SLC37A1: variants seen among roughly 807,000 people sequenced by gnomAD.
SLC37A1 encodes solute carrier family 37 member 1, also known as glucose-6-phosphate exchanger SLC37A1.
In SLC37A1, 49 loss-of-function variants were observed where a neutral mutation model predicts 75.3. The observed-to-expected ratio is 0.65, with a 90% CI of 0.52 to 0.83. The LOEUF (loss-of-function observed/expected upper bound fraction) is 0.83, where lower values mean the gene tolerates loss of function less well. Ranked by LOEUF, SLC37A1 falls within the 40% of genes least tolerant of loss-of-function variation. The pLI, the probability that SLC37A1 is intolerant of heterozygous loss-of-function variation, is 0.00. For missense variants in SLC37A1, 566 were observed against 695.0 expected, an observed-to-expected ratio of 0.81 and a Z score of 2.09; for synonymous variants, 268 against 292.1, an observed-to-expected ratio of 0.92 and a Z score of 0.84.
chr21:42,574,914 T>C lies in SLC37A1; in HGVS notation c.1520T>C (p.Leu507Pro). ...ATGTTTGCAGATGCCTGTGCCTTAC[T>C]GGTAAGTCGGCCTATTTTTAGTCCA... Reference protein sequence around the residue: ...MLMFADACALLFLIRLIHKEL... With the variant: ...MLMFADACALPFLIRLIHKEL... Residue 507 changes from leucine to proline, a missense_variant and splice_region_variant, in exon 18 of 20, where the codon CTG (leucine) becomes CCG (proline). Transcript: ENST00000352133. 3.1e-6 allele frequency: 5 copies of C among 1,614,134 alleles called. No homozygotes were observed. Among genetic ancestry groups the C allele is most frequent in the Non-Finnish European group, 4.2e-6 (5 of 1,179,988 alleles).
rs1287750577 is a variant in SLC37A1 at position 42,551,922 on chromosome 21, G to A, written c.769-2140G>A. On this transcript the variant is annotated intron_variant, in intron 9 of 19. Coordinates refer to ENST00000352133, the MANE Select transcript of SLC37A1 (RefSeq NM_001320537.2). ...TTCTACCAAGTTTCCCACATTTGAG[G>A]CTTTGCTGACCTTGTACCTGGGGTG... is the stretch of plus-strand genomic sequence containing the variant. 2.0e-5 allele frequency among the ~76,000 whole-genome samples: 3 copies of A among 152,020 alleles called. No homozygotes were observed. The East Asian group carries it at 5.8e-4, about 29-fold the overall frequency.
chr21:42,559,977 A>C (rs1312637155), intron 11 of SLC37A1, among the ~76,000 whole-genome samples: 2 of 151,996 alleles, frequency 1.3e-5, no homozygotes, highest in African/African-American at 4.8e-5. Flanking sequence ...GGGAGGATGC[A>C]GGGACCAAGG....
chr21:42,575,572 A>C, intron 18 of SLC37A1: 1 of 985,334 alleles, frequency 1.0e-6, no homozygotes, highest in Non-Finnish European at 1.2e-6. Flanking sequence ...TGTCACAGTC[A>C]CATAGATGTG....
upstream of SLC37A1, among the ~76,000 whole-genome samples, chr21:42,509,899 C>T (rs185154498): frequency 6.6e-6 from 1 of 152,264 alleles, no homozygotes; most frequent in Admixed American, 6.5e-5. The surrounding 1 kb of genome is among the most constrained non-coding windows in gnomAD (Gnocchi z 4.2). Context: ...CTCTGAAGCC[C>T]AGTATCTTCA....
intron 17 of SLC37A1, among the ~76,000 whole-genome samples, chr21:42,572,615 G>C (rs1386736730): frequency 7.3e-6 from 1 of 136,350 alleles, no homozygotes; most frequent in African/African-American, 2.8e-5. Context: ...AGTGCATCCT[G>C]TTTTATTTCA....
chr21:42,520,616 G>A lies in SLC37A1; in HGVS notation c.56+2106G>A, dbSNP rs144113501. The stretch of plus-strand genomic sequence containing the variant: ...TTCTCGGGATAAACTGGTGATGGTC[G>A]ATATAGAAATAGAGAAGGGTGTGTG... On this transcript the variant is annotated intron_variant, in intron 2 of 19. Coordinates refer to ENST00000352133, the MANE Select transcript of SLC37A1 (RefSeq NM_001320537.2). Among the ~76,000 whole-genome samples, 832 of 152,170 alleles carry A rather than the reference G, an allele frequency of 5.5e-3. 6 individuals are homozygous for A. The highest frequency in any genetic ancestry group is 0.017 in the African/African-American group (713 of 41,510).
At chr21:42,563,933 T>G in intron 13 of SLC37A1, 56 bp downstream of exon 13, 1 of 1,584,092 alleles carries the variant, frequency 6.3e-7, no homozygotes, top group Non-Finnish European at 8.7e-7. Context: ...GCGCATGATC[T>G]CTGAGTTGAT....
chr21:42,552,249 CA>C lies in SLC37A1; in HGVS notation c.769-1809del, dbSNP rs1236437744. On this transcript the variant is annotated intron_variant, in intron 9 of 19. Coordinates refer to ENST00000352133, the MANE Select transcript of SLC37A1 (RefSeq NM_001320537.2). The surrounding 1 kb of genome is among the most constrained non-coding windows in gnomAD (Gnocchi z 4.2). The stretch of plus-strand genomic sequence containing the variant: ...CCCTAATCTAGGACCTCATTGGGTC[CA>C]AAACCCTGTATCAGTTGTGTCAAAA... 6.6e-6 allele frequency among the ~76,000 whole-genome samples: 1 copy of C among 152,112 alleles called. No individual in the cohort carries two copies. Among genetic ancestry groups the C allele is most frequent in the Non-Finnish European group, 1.5e-5 (1 of 68,038 alleles).
At chr21:42,550,751 C>T (rs936533773) in intron 9 of SLC37A1, among the ~76,000 whole-genome samples, 2 of 152,138 alleles carry the variant, frequency 1.3e-5, no homozygotes, top group Non-Finnish European at 2.9e-5. Context: ...GGGATTTATC[C>T]CAGGAATACA....
At position 42,548,805 on chromosome 21, in the gene SLC37A1, C is replaced by T. The variant is rs906448502; in HGVS notation, c.768+1665C>T. Among the ~76,000 whole-genome samples, 8 of 152,242 alleles carry T rather than the reference C, an allele frequency of 5.3e-5. No homozygotes were observed. The highest frequency in any genetic ancestry group is 3.4e-3 in the Middle Eastern group (1 of 294). On this transcript the variant is annotated intron_variant, in intron 9 of 19. Coordinates refer to ENST00000352133, the MANE Select transcript of SLC37A1 (RefSeq NM_001320537.2). This position sits in a 1 kb window ranked among gnomAD's most constrained non-coding sequence, Gnocchi z 5.6. ...TCTCTGTCACCCTCACAGAAGGGTG[C>T]GAGCCCCTCGGGCCTGGATCATCAC...
intron 8 of SLC37A1, among the ~76,000 whole-genome samples, chr21:42,544,941 G>C (rs772385138): frequency 1.3e-5 from 2 of 152,170 alleles, no homozygotes; most frequent in Admixed American, 6.5e-5. Flanking sequence ...GGGGTCTTCT[G>C]TTCTCTTCCT....
chr21:42,525,042 A>C (rs2054746278), intron 2 of SLC37A1, among the ~76,000 whole-genome samples: 5 of 152,274 alleles, frequency 3.3e-5, no homozygotes, highest in African/African-American at 1.2e-4. Context: ...TGAGGCCTCC[A>C]CAGACTCCCT....
At chr21:42,539,418 C>T in intron 5 of SLC37A1, 94 bp from the exon 6 acceptor site, 5 of 1,394,058 alleles carry the variant, frequency 3.6e-6, no homozygotes, top group South Asian at 1.4e-5. Flanking sequence ...GCTCAGAGAA[C>T]AGCATGAAAG....
chr21:42,526,461 A>G (rs142580878), intron 3 of SLC37A1, among the ~76,000 whole-genome samples: 215 of 152,350 alleles, frequency 1.4e-3, no homozygotes, highest in Non-Finnish European at 9.3e-4. Context: ...TCTATCGTAG[A>G]AGAACGAGGA....
intron 5 of SLC37A1, among the ~76,000 whole-genome samples, chr21:42,538,408 G>A (rs911789388): frequency 2.6e-5 from 4 of 152,144 alleles, no homozygotes; most frequent in East Asian, 1.9e-4. Flanking sequence ...TGGTGAATTC[G>A]GAAGGAAAAT....
At chr21:42,574,664 G>A (rs74562743) in intron 17 of SLC37A1, among the ~76,000 whole-genome samples, 154 bp from the exon 18 acceptor site, 218 of 152,218 alleles carry the variant, frequency 1.4e-3, no homozygotes, top group African/African-American at 5.1e-3. Flanking sequence ...CCTTGTACCC[G>A]CTCCCAATCT....
intron 12 of SLC37A1, 88 bp from the exon 13 acceptor site, chr21:42,563,727 C>T: frequency 2.4e-6 from 3 of 1,230,462 alleles, no homozygotes; most frequent in South Asian, 2.4e-5. Flanking sequence ...GCCAGAGTCC[C>T]GTGCACGGGT....
chr21:42,571,629 G>A (rs2056167833), intron 17 of SLC37A1, among the ~76,000 whole-genome samples: 1 of 151,996 alleles, frequency 6.6e-6, no homozygotes, highest in African/African-American at 2.4e-5. Context: ...AACGTCATCA[G>A]CTGTGCTCCT....
Position 42,563,737 on chromosome 21 carries a change from T to G in SLC37A1, c.1073-78T>G, listed in dbSNP as rs531491217. ...ATGAAGCCAGAGTCCCGTGCACGGG[T>G]CCTGTTCTGCCATGGTGTGTCGCTG... On this transcript the variant is annotated intron_variant, in intron 12 of 19. Transcript: ENST00000352133. The G allele has an allele frequency of 8.1e-6, 11 of 1,362,012 alleles. No individual in the cohort carries two copies. In the South Asian group the frequency reaches 1.2e-4, roughly 14 times the overall value. 84.4% of individuals were successfully genotyped at this position (1,362,012 alleles called of 1,614,324 possible).
Sources: allele counts gnomAD v4.1 joint callset (sites outside exome capture counted in the v4.1 genomes callset), GRCh38; gene constraint gnomAD v4.1.1; non-coding constraint Gnocchi (gnomAD v3.1); transcripts MANE v1.5; gene names NCBI Gene and HGNC (gene_info 2026-07-23, HGNC 2026-07-21).